Variants in JMJD1C observed in about 807,000 individuals in gnomAD.
JMJD1C encodes jumonji domain containing 1C, also known as jumonji domain-containing protein 1C.
In JMJD1C, 31 loss-of-function variants were observed where a neutral mutation model predicts 245.3. That is an observed-to-expected ratio of 0.13 (90% confidence interval 0.09 to 0.17). JMJD1C has a LOEUF of 0.17. Among genes scored for constraint, JMJD1C ranks in the 10% least tolerant of loss-of-function variants. The probability of loss-of-function intolerance (pLI) is 1.00; values close to 1 mark genes in which losing one functional copy is unlikely to be tolerated. For synonymous variants in JMJD1C, 1,057 were observed against 1,017.4 expected (o/e 1.04, Z -0.74); for missense variants, 2,691 against 3,000.2 (o/e 0.90, Z 2.41).
At chr10:63,231,403 C>A (rs1849970003) in intron 3 of JMJD1C, among the ~76,000 whole-genome samples, 1 of 152,158 alleles carries the variant, frequency 6.6e-6, no homozygotes. Flanking sequence ...CAAACACAAT[C>A]AAAAACACTG....
intron 1 of JMJD1C, among the ~76,000 whole-genome samples, chr10:63,508,158 T>C (rs1954777494): frequency 6.6e-6 from 1 of 152,234 alleles, no homozygotes. Context: ...GTAATCTGCC[T>C]GGTGTAAGGT....
At chr10:63,318,168 AG>A (rs1404790849) in intron 2 of JMJD1C, among the ~76,000 whole-genome samples, 1 of 152,056 alleles carries the variant, frequency 6.6e-6, no homozygotes, top group Non-Finnish European at 1.5e-5. Context: ...CAACACGCCC[AG>A]CTAATTTTTG....
Position 63,167,963 on chromosome 10 carries a change from T to TA in JMJD1C, c.*81dup. The TA allele has an allele frequency of 1.2e-6, 1 of 827,174 alleles. No homozygotes were observed. Among genetic ancestry groups the TA allele is most frequent in the Non-Finnish European group, 2.1e-6 (1 of 484,838 alleles). The allele number at this position is 827,174 out of a possible 1,614,324, so 51.2% of individuals were successfully genotyped here. ...TTGGCACTGATGGTTTTATGAAGCT[T>TA]AAAGTCAGTGTGCATACATATCATC... On this transcript the variant is annotated 3_prime_UTR_variant, in exon 26 of 26. Transcript: ENST00000399262.
chr10:63,365,981 T>C (rs1422355518), intron 2 of JMJD1C, among the ~76,000 whole-genome samples: 3 of 152,168 alleles, frequency 2.0e-5, no homozygotes, highest in Non-Finnish European at 4.4e-5. Context: ...CAATGGGAAG[T>C]ACCCAGAAGA....
At chr10:63,264,417 T>C (rs539971666) in intron 3 of JMJD1C, among the ~76,000 whole-genome samples, 3 of 152,204 alleles carry the variant, frequency 2.0e-5, no homozygotes, top group Non-Finnish European at 4.4e-5. Context: ...TTTACTTCTG[T>C]ATTCCTTGCA....
chr10:63,386,275 GGGT>G (rs756768293), intron 1 of JMJD1C, among the ~76,000 whole-genome samples: 1 of 152,134 alleles, frequency 6.6e-6, no homozygotes, highest in African/African-American at 2.4e-5. Context: ...ACTGCTGCCA[GGGT>G]CAACACCCTA....
chr10:63,394,925 AAAC>A (rs1948370210), intron 1 of JMJD1C, among the ~76,000 whole-genome samples: 1 of 152,150 alleles, frequency 6.6e-6, no homozygotes, highest in Non-Finnish European at 1.5e-5. Flanking sequence ...AAAAAAATGA[AAAC>A]AAGCCACAGA....
chr10:63,315,864 A>C (rs112892636), intron 2 of JMJD1C, among the ~76,000 whole-genome samples: 1 of 150,840 alleles, frequency 6.6e-6, no homozygotes, highest in African/African-American at 2.4e-5. Flanking sequence ...ACACCACGAA[A>C]AAAAAAAAGA....
intron 1 of JMJD1C, among the ~76,000 whole-genome samples, chr10:63,474,173 A>C (rs2133161465): frequency 6.6e-6 from 1 of 152,280 alleles, no homozygotes; most frequent in South Asian, 2.1e-4. Flanking sequence ...AACAGCCTTA[A>C]ACAAATCATA....
intron 1 of JMJD1C, among the ~76,000 whole-genome samples, chr10:63,430,916 G>T (rs962079234): frequency 6.6e-6 from 1 of 152,026 alleles, no homozygotes; most frequent in Admixed American, 6.6e-5. Flanking sequence ...GCTAATTTTT[G>T]TTTTGTTTTG....
chr10:63,511,578 C>CA (rs1457471118), intron 1 of JMJD1C, among the ~76,000 whole-genome samples: 1 of 152,096 alleles, frequency 6.6e-6, no homozygotes, highest in Non-Finnish European at 1.5e-5. Context: ...GGCGCAGTGG[C>CA]AGGCGCCTGT....
intron 1 of JMJD1C, among the ~76,000 whole-genome samples, chr10:63,512,181 CTAT>C (rs1432296943): frequency 6.6e-6 from 1 of 152,108 alleles, no homozygotes; most frequent in African/African-American, 2.4e-5. Flanking sequence ...TACATGGTCA[CTAT>C]TATTATTTTA....
chr10:63,279,051 ACTAGCCT>A (rs1441385382), intron 2 of JMJD1C, among the ~76,000 whole-genome samples: 2 of 152,058 alleles, frequency 1.3e-5, no homozygotes, highest in African/African-American at 4.8e-5. Context: ...AGAGTTTTAG[ACTAGCCT>A]GGCCAACATG....
chr10:63,249,994 C>T (rs943576837), intron 3 of JMJD1C, among the ~76,000 whole-genome samples: 1 of 152,088 alleles, frequency 6.6e-6, no homozygotes, highest in Non-Finnish European at 1.5e-5. Flanking sequence ...ACATGTACAT[C>T]TATTATGTAT....
intron 2 of JMJD1C, among the ~76,000 whole-genome samples, chr10:63,361,252 G>C (rs1295780660): frequency 6.6e-6 from 1 of 151,940 alleles, no homozygotes; most frequent in African/African-American, 2.4e-5. Flanking sequence ...GCGAAACCCT[G>C]TCTCTACTAA....
intron 3 of JMJD1C, 137 bp downstream of exon 3, chr10:63,264,514 T>C (rs2133780732): frequency 3.7e-6 from 2 of 543,674 alleles, no homozygotes; most frequent in East Asian, 3.1e-5. Flanking sequence ...CAAAATCAAC[T>C]GACTGCATTC....
At chr10:63,399,463 T>C (rs546839113) in intron 1 of JMJD1C, among the ~76,000 whole-genome samples, 1 of 152,306 alleles carries the variant, frequency 6.6e-6, no homozygotes, top group East Asian at 1.9e-4. Context: ...TGGTCAGAAT[T>C]AGTATACTGA....
chr10:63,241,085 G>A lies in JMJD1C; in HGVS notation c.448-21102C>T, dbSNP rs552563448. On this transcript the variant is annotated intron_variant, in intron 3 of 25. Transcript: ENST00000399262. ...AACATAAGTACTGTGAATGAGACTC[G>A]ACTATAGAGCTAGACTGTTTTAATT... Among the ~76,000 whole-genome samples the A allele has an allele frequency of 6.6e-5, 10 of 152,242 alleles. No homozygotes were observed. The South Asian group carries it at 1.2e-3, about 19-fold the overall frequency.
At chr10:63,402,956 G>C (rs1467636541) in intron 1 of JMJD1C, among the ~76,000 whole-genome samples, 1 of 152,080 alleles carries the variant, frequency 6.6e-6, no homozygotes. Context: ...CTTACTCTAC[G>C]GATCAGTATG....
Sources: allele counts gnomAD v4.1 joint callset (sites outside exome capture counted in the v4.1 genomes callset), GRCh38; gene constraint gnomAD v4.1.1; transcripts MANE v1.5; gene names NCBI Gene and HGNC (gene_info 2026-07-23, HGNC 2026-07-21).